ZBTB2: variants seen among roughly 807,000 people sequenced by gnomAD.
ZBTB2 encodes zinc finger and BTB domain containing 2.
In ZBTB2, 2 loss-of-function variants were observed where a neutral mutation model predicts 39.5. The ratio of observed to expected loss-of-function variants is 0.05; its 90% CI spans 0.02 to 0.16. The LOEUF (loss-of-function observed/expected upper bound fraction) is 0.16, where lower values mean the gene tolerates loss of function less well. Ranked by LOEUF, ZBTB2 falls within the 10% of genes least tolerant of loss-of-function variation. ZBTB2 has a pLI of 1.00. For missense variants in ZBTB2, 391 were observed against 653.0 expected (o/e 0.60, Z 4.37); for synonymous variants, 251 against 256.6 (o/e 0.98, Z 0.21).
intron 1 of ZBTB2, among the ~76,000 whole-genome samples, chr6:151,374,393 G>C (rs1369705465): frequency 6.6e-6 from 1 of 152,170 alleles, no homozygotes; most frequent in East Asian, 1.9e-4. Flanking sequence ...ATTTAAATGT[G>C]AATGTACTGA....
intron 1 of ZBTB2, among the ~76,000 whole-genome samples, chr6:151,389,274 G>T (rs938775344): frequency 2.6e-5 from 4 of 151,364 alleles, no homozygotes; most frequent in African/African-American, 9.7e-5. Flanking sequence ...AAGGAAAAAA[G>T]AAAAAAGAAA....
chr6:151,373,002 A>T (rs771563665), intron 2 of ZBTB2, among the ~76,000 whole-genome samples: 2 of 151,402 alleles, frequency 1.3e-5, no homozygotes, highest in African/African-American at 2.4e-5. Context: ...AAAATACAAA[A>T]ATATTAGCCG....
rs991152122 is a variant in ZBTB2 at position 151,364,684 on chromosome 6, T to C, written c.*837A>G. ...CTGGCAGCTGCTAGAAAATGGCATGTCATGTTCTATTCAGAAAGGCAATTT... is the reference window on the plus strand; with the variant it reads ...CTGGCAGCTGCTAGAAAATGGCATGCCATGTTCTATTCAGAAAGGCAATTT... On this transcript the variant is annotated 3_prime_UTR_variant, in exon 3 of 3. Coordinates refer to ENST00000325144, the MANE Select transcript of ZBTB2 (RefSeq NM_020861.3). 1.4e-4 allele frequency: 21 copies of C among 152,348 alleles called. No individual in the cohort carries two copies. Among genetic ancestry groups the C allele is most frequent in the African/African-American group, 4.1e-4 (17 of 41,580 alleles). 9.4% of individuals were successfully genotyped at this position (152,348 alleles called of 1,614,324 possible).
At position 151,373,545 on chromosome 6, in the gene ZBTB2, G is replaced by A. The variant is rs371820152; in HGVS notation, c.93C>T (p.Gly31=). 1.1e-5 allele frequency: 18 copies of A among 1,614,024 alleles called. No individual in the cohort carries two copies. The African/African-American group carries it at 1.7e-4, about 16-fold the overall frequency. ...ATTTGTGTGCCTTGAAGTATACATC[G>A]CCGATTGCAACCGTGCAGTCACACA... is the stretch of plus-strand genomic sequence containing the variant. ...GFLCDCTVAI[G]DVYFKAHKSV... The change falls in exon 2 of 3, where the codon GGC becomes GGT. Residue 31 remains glycine (G), a synonymous_variant. Transcript: ENST00000325144.
chr6:151,382,331 C>T (rs2114875009), intron 1 of ZBTB2, among the ~76,000 whole-genome samples: 1 of 152,090 alleles, frequency 6.6e-6, no homozygotes, highest in East Asian at 1.9e-4. Flanking sequence ...TCTCAGCTCA[C>T]CACAACCTCC....
intron 1 of ZBTB2, among the ~76,000 whole-genome samples, chr6:151,379,433 G>A (rs1778984108): frequency 6.6e-6 from 1 of 151,840 alleles, no homozygotes; most frequent in South Asian, 2.1e-4. Context: ...TTAAGCTCAG[G>A]AGTTCAAGAC....
intron 2 of ZBTB2, among the ~76,000 whole-genome samples, chr6:151,372,718 GGAGGAGACAA>G (rs1346655264): frequency 4.6e-5 from 7 of 152,086 alleles, no homozygotes; most frequent in African/African-American, 1.7e-4. Context: ...TCTTGTTAGA[GGAGGAGACAA>G]GAATAAATGC....
chr6:151,373,394 T>A, intron 2 of ZBTB2, 71 bp downstream of exon 2: 1 of 1,564,082 alleles, frequency 6.4e-7, no homozygotes, highest in Non-Finnish European at 8.8e-7. Context: ...ACCCATGGTC[T>A]TGATGAGGGC....
intron 2 of ZBTB2, among the ~76,000 whole-genome samples, chr6:151,368,895 G>A (rs1036955560): frequency 1.3e-5 from 2 of 149,388 alleles, no homozygotes; most frequent in Non-Finnish European, 3.0e-5. Flanking sequence ...CCCAAGTTGG[G>A]ATTACAGGTG....
In ZBTB2 at chr6:151,365,303, T is replaced by C. The variant is rs1443654412; in HGVS notation, c.*218A>G. On this transcript the variant is annotated 3_prime_UTR_variant, in exon 3 of 3. Coordinates refer to ENST00000325144, the MANE Select transcript of ZBTB2 (RefSeq NM_020861.3). This position sits in a 1 kb window ranked among gnomAD's most constrained non-coding sequence, Gnocchi z 5.6. ...TTGAGTTTATAAGTATAATGACCAT[T>C]ATCTTTCCAATATCCCCTGAAAGAA... 5.6e-6 allele frequency: 3 copies of C among 538,778 alleles called. No homozygotes were observed. The highest frequency in any genetic ancestry group is 9.6e-6 in the Non-Finnish European group (3 of 311,186). The allele number at this position is 538,778 out of a possible 1,614,324, so 33.4% of individuals were successfully genotyped here.
chr6:151,382,227 G>A (rs1582922381), intron 1 of ZBTB2, among the ~76,000 whole-genome samples: 1 of 152,130 alleles, frequency 6.6e-6, no homozygotes, highest in East Asian at 1.9e-4. Context: ...TCTTATTATG[G>A]GTACATGACT....
At chr6:151,373,870 A>AAAAAAAAACAAAAC (rs1778843577) in intron 1 of ZBTB2, among the ~76,000 whole-genome samples, 32 of 123,576 alleles carry the variant, frequency 2.6e-4, no homozygotes, top group African/African-American at 1.1e-3. Context: ...AAAAAAAAAA[A>AAAAAAAAACAAAAC]AAAAAAACCA....
At position 151,366,085 on chromosome 6, in the gene ZBTB2, G is replaced by A. The variant is rs760919469; in HGVS notation, c.981C>T (p.Pro327=). ...DSELQHISDS[P]IIDGQQQSET... ...CCGACTGCTGCTGCCCATCGATGATGGGAGAATCAGAGATGTGCTGCAGCT... is the reference window on the plus strand; with the variant it reads ...CCGACTGCTGCTGCCCATCGATGATAGGAGAATCAGAGATGTGCTGCAGCT... The change falls in exon 3 of 3, where the codon CCC becomes CCT. Residue 327 remains proline (P), a synonymous_variant. Transcript: ENST00000325144. This position sits in a 1 kb window ranked among gnomAD's most constrained non-coding sequence, Gnocchi z 7.1. 5 of 1,614,162 alleles carry A rather than the reference G, an allele frequency of 3.1e-6. No individual in the cohort carries two copies. The highest frequency in any genetic ancestry group is 1.1e-5 in the South Asian group (1 of 91,072).
At chr6:151,374,316 GA>G (rs1303278167) in intron 1 of ZBTB2, among the ~76,000 whole-genome samples, 1 of 152,180 alleles carries the variant, frequency 6.6e-6, no homozygotes, top group Non-Finnish European at 1.5e-5. Context: ...GTGGAGGGAG[GA>G]AACCGGTCTT....
chr6:151,372,637 G>T (rs1778809884), intron 2 of ZBTB2, among the ~76,000 whole-genome samples: 1 of 152,110 alleles, frequency 6.6e-6, no homozygotes, highest in African/African-American at 2.4e-5. Flanking sequence ...TGAGAAGAAA[G>T]AAACTGAGCA....
chr6:151,364,723 T>C lies in ZBTB2; in HGVS notation c.*798A>G, dbSNP rs569959335. On this transcript the variant is annotated 3_prime_UTR_variant, in exon 3 of 3. Coordinates refer to ENST00000325144, the MANE Select transcript of ZBTB2 (RefSeq NM_020861.3). The stretch of plus-strand genomic sequence containing the variant: ...GAAAGGCAATTTATAGAATAGTACA[T>C]TCAAATTTGATTTTTAAAACAAATT... 6.6e-6 allele frequency: 1 copy of C among 152,308 alleles called. No homozygotes were observed. Among genetic ancestry groups the C allele is most frequent in the Admixed American group, 6.5e-5 (1 of 15,280 alleles). 9.4% of individuals were successfully genotyped at this position (152,308 alleles called of 1,614,324 possible). A position where few individuals can be genotyped will look rare whatever the true frequency, so the allele number is the denominator to read the frequency against.
At chr6:151,384,510 G>A (rs1377315609) in intron 1 of ZBTB2, among the ~76,000 whole-genome samples, 1 of 152,168 alleles carries the variant, frequency 6.6e-6, no homozygotes, top group Non-Finnish European at 1.5e-5. Context: ...TATTTAGAAG[G>A]TAAAAAATCA....
chr6:151,390,409 G>C (rs1264726428), intron 1 of ZBTB2, among the ~76,000 whole-genome samples: 1 of 150,050 alleles, frequency 6.7e-6, no homozygotes, highest in Non-Finnish European at 1.5e-5. Flanking sequence ...CTCCGGCCGC[G>C]TTGCACGCTC....
chr6:151,385,801 G>T, intron 1 of ZBTB2, among the ~76,000 whole-genome samples: 1 of 152,036 alleles, frequency 6.6e-6, no homozygotes. Flanking sequence ...AATTAATATT[G>T]GAGGGCCCAT....
Sources: allele counts gnomAD v4.1 joint callset (sites outside exome capture counted in the v4.1 genomes callset), GRCh38; gene constraint gnomAD v4.1.1; non-coding constraint Gnocchi (gnomAD v3.1); transcripts MANE v1.5; gene names NCBI Gene and HGNC (gene_info 2026-07-23, HGNC 2026-07-21).